Variants in C10orf67 observed in about 807,000 individuals in gnomAD.
C10orf67 encodes uncharacterized protein C10orf67, mitochondrial.
Under a neutral mutation model 35.6 loss-of-function variants are expected in C10orf67, and 60 were observed. The observed-to-expected ratio is 1.68, with a 90% confidence interval of 1.37 to 2.09. The LOEUF is 2.09. Among genes scored for constraint, C10orf67 ranks in the 30% most tolerant of loss-of-function variants. The pLI, the probability that C10orf67 is intolerant of heterozygous loss-of-function variation, is 0.00. For synonymous variants in C10orf67, 167 were observed against 115.8 expected (o/e 1.44, Z -2.84); for missense variants, 474 against 330.2 (o/e 1.44, Z -3.38).
intron 15 of C10orf67, among the ~76,000 whole-genome samples, chr10:23,222,546 C>T (rs745714377): frequency 1.6e-4 from 25 of 152,006 alleles, no homozygotes; most frequent in Non-Finnish European, 3.2e-4. Context: ...ACTTCCTATC[C>T]CATACTACGT....
At chr10:23,215,970 T>C (rs1354705739) in intron 15 of C10orf67, among the ~76,000 whole-genome samples, 1 of 152,164 alleles carries the variant, frequency 6.6e-6, no homozygotes, top group East Asian at 1.9e-4. Flanking sequence ...GAAGAATAGC[T>C]ATGACAAACC....
At chr10:23,283,417 A>G (rs1471684362) in intron 7 of C10orf67, among the ~76,000 whole-genome samples, 7 of 152,132 alleles carry the variant, frequency 4.6e-5, no homozygotes, top group African/African-American at 1.4e-4. Flanking sequence ...TTCTTGTTTC[A>G]GTTCTTTATT....
chr10:23,218,859 C>T (rs554378895), intron 15 of C10orf67, among the ~76,000 whole-genome samples: 1 of 152,058 alleles, frequency 6.6e-6, no homozygotes, highest in Non-Finnish European at 1.5e-5. Context: ...AATCTGAAAA[C>T]CTTAACAAAT....
chr10:23,280,192 C>G (rs1843329557), intron 8 of C10orf67, among the ~76,000 whole-genome samples: 1 of 152,138 alleles, frequency 6.6e-6, no homozygotes, highest in South Asian at 2.1e-4. Flanking sequence ...TCTTTACTAC[C>G]AGTTCTTTGA....
At chr10:23,336,864 T>C in intron 1 of C10orf67, among the ~76,000 whole-genome samples, 1 of 152,008 alleles carries the variant, frequency 6.6e-6, no homozygotes, top group East Asian at 1.9e-4. Flanking sequence ...TGAAGTCTCC[T>C]TGAAAAAATG....
At chr10:23,290,598 T>G (rs1456668253) in intron 6 of C10orf67, among the ~76,000 whole-genome samples, 1 of 152,226 alleles carries the variant, frequency 6.6e-6, no homozygotes, top group Non-Finnish European at 1.5e-5. Context: ...TAAACACAAC[T>G]TTCACCAATG....
intron 7 of C10orf67, among the ~76,000 whole-genome samples, chr10:23,288,567 C>A (rs1843614712): frequency 6.6e-6 from 1 of 152,108 alleles, no homozygotes; most frequent in Admixed American, 6.5e-5. Context: ...CCTGCACATT[C>A]TGCACATGTA....
intron 2 of C10orf67, among the ~76,000 whole-genome samples, chr10:23,329,797 CAAA>C (rs398013008): frequency 1.0e-4 from 5 of 48,092 alleles, no homozygotes; most frequent in Admixed American, 5.7e-4. Flanking sequence ...GAACTTGTCT[CAAA>C]AAAAAAAAAA....
intron 12 of C10orf67, among the ~76,000 whole-genome samples, chr10:23,249,297 G>C (rs1014517389): frequency 6.6e-6 from 1 of 152,080 alleles, no homozygotes; most frequent in African/African-American, 2.4e-5. Context: ...CAGCTCTAGA[G>C]ATAATCCAAA....
intron 1 of C10orf67, chr10:23,344,301 A>C (rs1846048732): frequency 1.9e-5 from 9 of 464,196 alleles, no homozygotes; most frequent in East Asian, 8.1e-5. Context: ...GGAAGGGGGA[A>C]GAGATGGAAA....
At chr10:23,250,825 C>T (rs1009323532) in intron 10 of C10orf67, 134 bp from the exon 11 acceptor site, 5 of 391,780 alleles carry the variant, frequency 1.3e-5, no homozygotes, top group East Asian at 3.6e-5. Flanking sequence ...AGGCGGGGCA[C>T]GGTGACTCAC....
Position 23,289,969 on chromosome 10 carries a change from A to G in C10orf67, c.851-11T>C. ...TTATAAGTTCATCTTCTGTAAACAA[A>G]AGGAGAGAGAGGCCAACCATGAAAT... On this transcript the variant is annotated splice_polypyrimidine_tract_variant and intron_variant, in intron 6 of 15. Transcript: ENST00000636213. 1.4e-6 allele frequency: 1 copy of G among 716,224 alleles called. No individual in the cohort carries two copies. Among genetic ancestry groups the G allele is most frequent in the East Asian group, 2.7e-5 (1 of 37,276 alleles). 44.4% of individuals were successfully genotyped at this position (716,224 alleles called of 1,614,324 possible).
chr10:23,309,244 A>G (rs1272966623), intron 4 of C10orf67, among the ~76,000 whole-genome samples: 1 of 152,188 alleles, frequency 6.6e-6, no homozygotes, highest in South Asian at 2.1e-4. Context: ...TTGCAGTAAC[A>G]TGAATGGAGC....
intron 5 of C10orf67, among the ~76,000 whole-genome samples, chr10:23,296,910 G>C (rs761647651): frequency 6.6e-6 from 1 of 152,236 alleles, no homozygotes. Flanking sequence ...AAAAGGCCTG[G>C]TCCAGTAAAT....
At chr10:23,264,440 G>C (rs1842833923) in intron 10 of C10orf67, among the ~76,000 whole-genome samples, 1 of 152,126 alleles carries the variant, frequency 6.6e-6, no homozygotes, top group East Asian at 1.9e-4. Context: ...TCCCTCAGCT[G>C]ACAAAATGTA....
intron 5 of C10orf67, among the ~76,000 whole-genome samples, chr10:23,299,388 C>T (rs529541566): frequency 2.0e-5 from 3 of 152,130 alleles, no homozygotes; most frequent in South Asian, 4.2e-4. Flanking sequence ...ATTCTTTGCT[C>T]GTCCATATTG....
intron 10 of C10orf67, among the ~76,000 whole-genome samples, chr10:23,263,460 A>G (rs1842804162): frequency 6.6e-6 from 1 of 152,154 alleles, no homozygotes; most frequent in Non-Finnish European, 1.5e-5. Flanking sequence ...TTGCAATACT[A>G]TTTTATCTAA....
In C10orf67 at chr10:23,322,477, C is replaced by G; in HGVS notation, c.388G>C (p.Glu130Gln). Residue 130 changes from glutamate (E) to glutamine (Q), a missense_variant, in exon 3 of 16, where the codon GAG (glutamate) becomes CAG (glutamine). Transcript: ENST00000636213. ...AAAGATTCCTCTTTCAGTCGGTCCT[C>G]AAACTTCAACTGAAGCAATTGTTTG... is the stretch of plus-strand genomic sequence containing the variant. Reference protein sequence around the residue: ...FLKQLLQLKFEDRLKEESLSL... With the variant: ...FLKQLLQLKFQDRLKEESLSL... The G allele has an allele frequency of 6.2e-7, 1 of 1,612,686 alleles. No individual in the cohort carries two copies. The highest frequency in any genetic ancestry group is 8.5e-7 in the Non-Finnish European group (1 of 1,178,718).
At chr10:23,209,817 T>C (rs1465659066) in intron 15 of C10orf67, among the ~76,000 whole-genome samples, 1 of 151,746 alleles carries the variant, frequency 6.6e-6, no homozygotes, top group Admixed American at 6.6e-5. Context: ...CTGGGCAACA[T>C]GGCAAAATCT....
Sources: gnomAD v4.1 joint callset for allele counts (sites outside exome capture counted in the v4.1 genomes callset) on GRCh38, gnomAD v4.1.1 for gene constraint, MANE v1.5 for transcripts, NCBI Gene and HGNC (gene_info 2026-07-23, HGNC 2026-07-21) for gene names.